The following CTTN variants were observed in gnomAD, a reference collection of about 807,000 sequenced individuals.
CTTN encodes the protein cortactin, also known as src substrate cortactin.
A neutral mutation model predicts 84.0 loss-of-function variants in CTTN; 28 were observed. That is an observed-to-expected ratio of 0.33 (90% CI 0.25 to 0.46). CTTN has a LOEUF of 0.46. Ranked by LOEUF, CTTN falls within the 20% of genes least tolerant of loss-of-function variation. The pLI is 1.00. For synonymous variants in CTTN, 301 were observed against 288.8 expected (o/e 1.04, Z -0.43); for missense variants, 641 against 723.8 (o/e 0.89, Z 1.31).
chr11:70,423,508 G>T (rs1354959622), intron 12 of CTTN, among the ~76,000 whole-genome samples: 1 of 152,214 alleles, frequency 6.6e-6, no homozygotes, highest in Non-Finnish European at 1.5e-5. Context: ...TCCTTGCCTC[G>T]CAGCTGACCA....
At chr11:70,410,071 T>A in intron 5 of CTTN, 111 bp downstream of exon 5, 1 of 1,184,890 alleles carries the variant, frequency 8.4e-7, no homozygotes, top group Non-Finnish European at 1.2e-6. Flanking sequence ...TGAGTCCATC[T>A]GCTGAGGTTG....
Position 70,435,147 on chromosome 11 carries a change from G to A in CTTN, c.1638G>A (p.Val546=), listed in dbSNP as rs1315697805. ...ACGGGCTCTTCCCAGCCAACTATGT[G>A]GAGCTGCGGCAGTAGGGCCCCCAGC... ...GRYGLFPANY[V]ELRQ is the part of the protein sequence containing the mutation. The change falls in exon 18 of 18, where the codon GTG becomes GTA. Residue 546 remains valine, a synonymous_variant. Transcript: ENST00000301843. The A allele has an allele frequency of 1.2e-6, 2 of 1,611,168 alleles. No homozygotes were observed. Among genetic ancestry groups the A allele is most frequent in the African/African-American group, 2.7e-5 (2 of 74,896 alleles).
Position 70,435,545 on chromosome 11 carries a change from C to G in CTTN, c.*383C>G. On this transcript the variant is annotated 3_prime_UTR_variant, in exon 18 of 18. Transcript: ENST00000301843. ...CAGTCGGGACCTCCCAGGACAAGCA[C>G]GAGGCCTCAGGTCGGCCCTGTGGCG... 6.4e-7 allele frequency: 1 copy of G among 1,570,610 alleles called. No individual in the cohort carries two copies. The highest frequency in any genetic ancestry group is 8.6e-7 in the Non-Finnish European group (1 of 1,166,040).
intron 7 of CTTN, chr11:70,415,991 C>T: frequency 2.4e-6 from 1 of 414,864 alleles, no homozygotes; most frequent in South Asian, 3.8e-5. Context: ...GGCTTCTCCC[C>T]CTTGTAGCGG....
chr11:70,434,787 G>C (rs3802781), intron 17 of CTTN, among the ~76,000 whole-genome samples: 1 of 152,170 alleles, frequency 6.6e-6, no homozygotes, highest in African/African-American at 2.4e-5. Context: ...GAAGGGGTCC[G>C]GGTGGGGTTG....
At chr11:70,422,458 A>T in intron 11 of CTTN, 1 of 1,238,656 alleles carries the variant, frequency 8.1e-7, no homozygotes, top group Non-Finnish European at 1.1e-6. Context: ...CTGCAACGGA[A>T]GTCTTTGGCT....
rs769336883 is a variant in CTTN, at chr11:70,421,599, T to C, written c.901+19T>C. On this transcript the variant is annotated intron_variant, in intron 11 of 17. Transcript: ENST00000301843. Reference sequence around the variant, plus strand: ...CAGCAAGGCACAGTTGCCACCAGCCTCCTACCCTCCCCCCGACCCTCCTGT... The same window carrying C: ...CAGCAAGGCACAGTTGCCACCAGCCCCCTACCCTCCCCCCGACCCTCCTGT... 3.8e-6 allele frequency: 6 copies of C among 1,569,018 alleles called. No homozygotes were observed. The highest frequency in any genetic ancestry group is 5.3e-6 in the Non-Finnish European group (6 of 1,139,198).
intron 13 of CTTN, among the ~76,000 whole-genome samples, chr11:70,428,407 G>A (rs867855296): frequency 6.6e-6 from 1 of 151,726 alleles, no homozygotes; most frequent in African/African-American, 2.4e-5. Context: ...CTCGTGATCC[G>A]CCCACCTTAG....
chr11:70,414,693 G>C (rs2058137503), intron 6 of CTTN, 41 bp downstream of exon 6: 1 of 1,472,784 alleles, frequency 6.8e-7, no homozygotes, highest in Non-Finnish European at 9.5e-7. Flanking sequence ...GTTGGGGCAA[G>C]GGGGGCGTTC....
chr11:70,420,431 T>C lies in CTTN; in HGVS notation c.711T>C (p.Gly237=), dbSNP rs950982089. The C allele has an allele frequency of 2.5e-6, 4 of 1,614,228 alleles. No homozygotes were observed. The highest frequency in any genetic ancestry group is 3.4e-6 in the Non-Finnish European group (4 of 1,180,032). Residue 237 remains glycine, a synonymous_variant, in exon 10 of 18, where the codon GGT becomes GGC. Coordinates refer to ENST00000301843, the MANE Select transcript of CTTN (RefSeq NM_005231.4). ...DYVKGFGGKF[G]VQTDRQDKCA... ...TGAAAGGGTTTGGAGGAAAATTTGG[T>C]GTGCAGACAGACAGACAAGACAAAT... is the stretch of plus-strand genomic sequence containing the variant.
chr11:70,413,493 T>C (rs2058118910), intron 5 of CTTN, among the ~76,000 whole-genome samples: 1 of 152,184 alleles, frequency 6.6e-6, no homozygotes, highest in Admixed American at 6.5e-5. Context: ...CGAACGGAGT[T>C]GCTGAATCAC....
chr11:70,408,971 A>G (rs564088260), intron 4 of CTTN, among the ~76,000 whole-genome samples: 16 of 151,754 alleles, frequency 1.1e-4, no homozygotes, highest in African/African-American at 3.1e-4. Context: ...AGAAAAAACA[A>G]CTCTCCAGTA....
intron 4 of CTTN, chr11:70,407,900 A>G (rs2058061293): frequency 6.0e-6 from 2 of 333,534 alleles, no homozygotes; most frequent in Non-Finnish European, 1.1e-5. Context: ...ATCAGGGAAC[A>G]TTTGTCCCTA....
chr11:70,422,076 T>C (rs1368704345), intron 11 of CTTN: 5 of 217,306 alleles, frequency 2.3e-5, no homozygotes, highest in Non-Finnish European at 2.8e-5. Context: ...TGGTGGTGTT[T>C]TTGGCCGGGG....
chr11:70,407,188 G>T, intron 2 of CTTN, 110 bp from the exon 3 acceptor site: 2 of 798,234 alleles, frequency 2.5e-6, no homozygotes, highest in Non-Finnish European at 4.1e-6. Flanking sequence ...CTGCAGCCTC[G>T]TCCTCCTGGG....
At chr11:70,401,333 G>A (rs1195264588) in intron 1 of CTTN, among the ~76,000 whole-genome samples, 3 of 151,900 alleles carry the variant, frequency 2.0e-5, no homozygotes, top group Non-Finnish European at 2.9e-5. Context: ...AAAATTAGCC[G>A]GGCGTGGTGG....
In CTTN at chr11:70,436,030, G is replaced by A; in HGVS notation, c.*868G>A. 1 of 1,426,490 alleles carries A rather than the reference G, an allele frequency of 7.0e-7. No individual in the cohort carries two copies. Among genetic ancestry groups the A allele is most frequent in the East Asian group, 2.5e-5 (1 of 39,304 alleles). 88.4% of individuals were successfully genotyped at this position (1,426,490 alleles called of 1,614,324 possible). A position where few individuals can be genotyped will look rare whatever the true frequency, so the allele number is the denominator to read the frequency against. On this transcript the variant is annotated 3_prime_UTR_variant, in exon 18 of 18. Coordinates refer to ENST00000301843, the MANE Select transcript of CTTN (RefSeq NM_005231.4). ...GCCACCGGGCAGCCTGGGGCGGTGTGTGTGCCATGTCACAGCATGGCCTCT... is the reference window on the plus strand; with the variant it reads ...GCCACCGGGCAGCCTGGGGCGGTGTATGTGCCATGTCACAGCATGGCCTCT...
intron 13 of CTTN, 95 bp from the exon 14 acceptor site, chr11:70,428,956 T>C: frequency 6.8e-7 from 1 of 1,465,796 alleles, no homozygotes. Context: ...GGATGACCGG[T>C]TCCTGGGGAG....
At position 70,405,294 on chromosome 11, in the gene CTTN, C is replaced by G. The variant is rs1184561675; in HGVS notation, c.-68C>G. The G allele has an allele frequency of 6.6e-6, 1 of 152,166 alleles. No individual in the cohort carries two copies. Among genetic ancestry groups the G allele is most frequent in the Non-Finnish European group, 1.5e-5 (1 of 68,044 alleles). The allele number at this position is 152,166 out of a possible 1,614,324, so 9.4% of individuals were successfully genotyped here. On this transcript the variant is annotated 5_prime_UTR_variant, in exon 2 of 18. Transcript: ENST00000301843. The stretch of plus-strand genomic sequence containing the variant: ...AATCAGTCCCCAATGCCTGGAAATT[C>G]CTCATTGGATTACTGTGTTTTAAAC...
Sources: gnomAD v4.1 joint callset for allele counts (sites outside exome capture counted in the v4.1 genomes callset) on GRCh38, gnomAD v4.1.1 for gene constraint, MANE v1.5 for transcripts, NCBI Gene and HGNC (gene_info 2026-07-23, HGNC 2026-07-21) for gene names.